The following ZNF547 variants were observed in gnomAD, a reference collection of about 807,000 sequenced individuals.
ZNF547 encodes the protein zinc finger protein 547.
In ZNF547, 4 loss-of-function variants were observed where a neutral mutation model predicts 7.7. That is an observed-to-expected ratio of 0.52 (90% CI 0.26 to 1.20). The LOEUF (loss-of-function observed/expected upper bound fraction) is 1.20, where lower values mean the gene tolerates loss of function less well. Ranked by LOEUF, ZNF547 falls within the 50% of genes most tolerant of loss-of-function variation. ZNF547 has a pLI of 0.14. For missense variants in ZNF547, 449 were observed against 485.8 expected (o/e 0.92, Z 0.71); for synonymous variants, 166 against 166.2 (o/e 1.00, Z 0.01).
intron 1 of ZNF547, among the ~76,000 whole-genome samples, chr19:57,365,831 G>T (rs1390889746): frequency 6.7e-6 from 1 of 149,958 alleles, no homozygotes; most frequent in African/African-American, 2.5e-5. Context: ...CTTAAAAATT[G>T]GGAATAAGCT....
At chr19:57,365,447 G>C in intron 1 of ZNF547, 1 of 533,904 alleles carries the variant, frequency 1.9e-6, no homozygotes, top group African/African-American at 1.9e-5. Flanking sequence ...AGATCAATTA[G>C]TATTTCCTTG....
chr19:57,364,750 T>C (rs938494398), intron 1 of ZNF547: 1 of 1,156,022 alleles, frequency 8.7e-7, no homozygotes, highest in Non-Finnish European at 1.2e-6. Flanking sequence ...CAAAAAAAGG[T>C]GCGGAGCGCG....
chr19:57,378,169 A>G lies in ZNF547; in HGVS notation c.1193A>G (p.Lys398Arg), dbSNP rs2088551464. 2 of 1,608,204 alleles carry G rather than the reference A, an allele frequency of 1.2e-6. No individual in the cohort carries two copies. Among genetic ancestry groups the G allele is most frequent in the African/African-American group, 1.3e-5 (1 of 74,938 alleles). ...RYNSTLLRHQ[K>R]VHTG ...AACTCTACACTTCTCAGACATCAGA[A>G]AGTCCACACTGGATAAGGCCCTTAT... Residue 398 changes from lysine (K) to arginine (R), a missense_variant, in exon 4 of 4, where the codon AAA (lysine) becomes AGA (arginine). Coordinates refer to ENST00000282282, the MANE Select transcript of ZNF547 (RefSeq NM_173631.4).
Position 57,377,222 on chromosome 19 carries a change from TAC to T in ZNF547, c.247_248del (p.Thr83ProfsTer7), listed in dbSNP as rs1298579687. On this transcript the variant is annotated frameshift_variant, in exon 4 of 4. Coordinates refer to ENST00000282282, the MANE Select transcript of ZNF547 (RefSeq NM_173631.4). LOFTEE classifies it low-confidence loss of function (END_TRUNC). ...TCATGGCTCCAAAGCCCTGTCTATC[TAC>T]CCAGAATACCCAGCCCTGTGAGACA... Reference protein sequence around the residue: ...QVMAPKPCLSTQNTQPCETCS... With the variant: ...QVMAPKPCLSXQNTQPCETCS... The T allele has an allele frequency of 6.2e-7, 1 of 1,614,094 alleles. No homozygotes were observed. Among genetic ancestry groups the T allele is most frequent in the Non-Finnish European group, 8.5e-7 (1 of 1,180,042 alleles).
At position 57,378,058 on chromosome 19, in the gene ZNF547, T is replaced by G; in HGVS notation, c.1082T>G (p.Phe361Cys). 2 of 1,614,040 alleles carry G rather than the reference T, an allele frequency of 1.2e-6. No individual in the cohort carries two copies. Among genetic ancestry groups the G allele is most frequent in the Non-Finnish European group, 1.7e-6 (2 of 1,179,998 alleles). ...GAATGCAGTGAGTGTGGGAAGGCCT[T>G]CCTTACAAAGTCCCACCTCATTTGT... Reference protein sequence around the residue: ...PYECSECGKAFLTKSHLICHQ... With the variant: ...PYECSECGKACLTKSHLICHQ... Residue 361 changes from phenylalanine to cysteine, a missense_variant, in exon 4 of 4, where the codon TTC becomes TGC. Phe to Cys is a radical substitution (Grantham distance 205). Transcript: ENST00000282282.
At position 57,364,788 on chromosome 19, in the gene ZNF547, G is replaced by A. The variant is rs751825179; in HGVS notation, c.-13+1085G>A. The A allele has an allele frequency of 6.7e-6, 10 of 1,494,208 alleles. No individual in the cohort carries two copies. In the East Asian group the frequency reaches 1.2e-4, roughly 18 times the overall value. The allele number at this position is 1,494,208 out of a possible 1,614,324, so 92.6% of individuals were successfully genotyped here. On this transcript the variant is annotated intron_variant, in intron 1 of 3. Transcript: ENST00000282282. The stretch of plus-strand genomic sequence containing the variant: ...TCTCTTCCGCGGAAACTGACATTGC[G>A]TTTCCGTTGTCGGCCTCCCGCTGCA...
intron 1 of ZNF547, chr19:57,364,606 T>C: frequency 1.7e-6 from 1 of 583,690 alleles, no homozygotes; most frequent in Middle Eastern, 4.5e-4. Flanking sequence ...CCGGGGGTGG[T>C]GACGCGCGCC....
Position 57,369,284 on chromosome 19 carries a change from T to TG in ZNF547, c.24+712dup, listed in dbSNP as rs1052143600. 1.2e-4 allele frequency among the ~76,000 whole-genome samples: 19 copies of TG among 152,056 alleles called. No homozygotes were observed. The East Asian group carries it at 1.4e-3, about 11-fold the overall frequency. On this transcript the variant is annotated intron_variant, in intron 2 of 3. Coordinates refer to ENST00000282282, the MANE Select transcript of ZNF547 (RefSeq NM_173631.4). ...TTTATGATGTAGAGAGTGAGGCAGCTGGGGGGGTGGGATAGAAGGGGAATC... is the reference window on the plus strand; with the variant it reads ...TTTATGATGTAGAGAGTGAGGCAGCTGGGGGGGGTGGGATAGAAGGGGAATC...
chr19:57,364,773 G>A, intron 1 of ZNF547: 9 of 1,413,774 alleles, frequency 6.4e-6, no homozygotes, highest in East Asian at 4.9e-5. Flanking sequence ...TCTCTTCCGC[G>A]GAAACTGACA....
Position 57,371,925 on chromosome 19 carries a change from T to C in ZNF547, c.151+17T>C, listed in dbSNP as rs1157094584. The C allele has an allele frequency of 6.3e-6, 10 of 1,585,290 alleles. No individual in the cohort carries two copies. On this transcript the variant is annotated intron_variant, in intron 3 of 3. Coordinates refer to ENST00000282282, the MANE Select transcript of ZNF547 (RefSeq NM_173631.4). ...CCTCACTAGGTAAGGCCCTCACACT[T>C]GCCCAGTGTCCTGGGTTGGGCTGTG...
chr19:57,365,150 A>C, intron 1 of ZNF547: 1 of 1,598,430 alleles, frequency 6.3e-7, no homozygotes, highest in Non-Finnish European at 8.5e-7. Context: ...TATGATTTAT[A>C]TATAAAATTT....
Position 57,378,302 on chromosome 19 carries a change from A to G in ZNF547, c.*117A>G. 1.1e-6 allele frequency: 1 copy of G among 912,596 alleles called. No homozygotes were observed. The highest frequency in any genetic ancestry group is 1.7e-6 in the Non-Finnish European group (1 of 587,546). The allele number at this position is 912,596 out of a possible 1,614,324, so 56.5% of individuals were successfully genotyped here. A position where few individuals can be genotyped will look rare whatever the true frequency, so the allele number is the denominator to read the frequency against. Reference sequence around the variant, plus strand: ...ATGCCGTGAACGTGGGTAATTATGTAGGTACAGCTCTCCAGTCGCTATGTA... The same window carrying G: ...ATGCCGTGAACGTGGGTAATTATGTGGGTACAGCTCTCCAGTCGCTATGTA... On this transcript the variant is annotated 3_prime_UTR_variant, in exon 4 of 4. Coordinates refer to ENST00000282282, the MANE Select transcript of ZNF547 (RefSeq NM_173631.4).
chr19:57,372,611 C>T (rs2088513412), intron 3 of ZNF547, among the ~76,000 whole-genome samples: 1 of 152,230 alleles, frequency 6.6e-6, no homozygotes, highest in African/African-American at 2.4e-5. Context: ...CTGGTGACCC[C>T]TGTTGTTTAG....
At chr19:57,364,484 G>C in intron 1 of ZNF547, 1 of 340,620 alleles carries the variant, frequency 2.9e-6, no homozygotes, top group East Asian at 6.9e-5. Flanking sequence ...GGCTCACGCC[G>C]GTAATCCCAG....
At chr19:57,375,020 C>T (rs1198979976) in intron 3 of ZNF547, among the ~76,000 whole-genome samples, 1 of 152,142 alleles carries the variant, frequency 6.6e-6, no homozygotes, top group Non-Finnish European at 1.5e-5. Flanking sequence ...TACCTCAGTA[C>T]CAGTTTACTA....
chr19:57,367,095 TG>T (rs2088475634), intron 1 of ZNF547, among the ~76,000 whole-genome samples: 1 of 152,234 alleles, frequency 6.6e-6, no homozygotes, highest in South Asian at 2.1e-4. Flanking sequence ...TGTTGATGCC[TG>T]TACTTGTGAA....
chr19:57,371,837 A>G lies in ZNF547; in HGVS notation c.80A>G (p.His27Arg). Residue 27 changes from histidine (H) to arginine (R), a missense_variant, in exon 3 of 4, where the codon CAT becomes CGT. Physicochemically the swap from His to Arg is conservative, Grantham distance 29 (BLOSUM62 0). Coordinates refer to ENST00000282282, the MANE Select transcript of ZNF547 (RefSeq NM_173631.4). ...TATTTCTCCCAGGAGGAGTGGGGGCATCTCGATGAGGCTCAGAGATTGCTG... is the reference window on the plus strand; with the variant it reads ...TATTTCTCCCAGGAGGAGTGGGGGCGTCTCGATGAGGCTCAGAGATTGCTG... ...AIYFSQEEWG[H>R]LDEAQRLLYR... 6.2e-7 allele frequency: 1 copy of G among 1,613,676 alleles called. No individual in the cohort carries two copies. Among genetic ancestry groups the G allele is most frequent in the Non-Finnish European group, 8.5e-7 (1 of 1,179,836 alleles).
Position 57,368,952 on chromosome 19 carries a change from A to G in ZNF547, c.24+373A>G, listed in dbSNP as rs140417190. ...CAAGTGTCTGTTATATCGGATAGGA[A>G]TAGGGAGCAGAGTGGGAGGTGGCTA... is the stretch of plus-strand genomic sequence containing the variant. On this transcript the variant is annotated intron_variant, in intron 2 of 3. Coordinates refer to ENST00000282282, the MANE Select transcript of ZNF547 (RefSeq NM_173631.4). 5.5e-3 allele frequency among the ~76,000 whole-genome samples: 835 copies of G among 152,270 alleles called. 2 individuals carry two copies. Among genetic ancestry groups the G allele is most frequent in the Middle Eastern group, 0.014 (4 of 294 alleles).
intron 3 of ZNF547, among the ~76,000 whole-genome samples, chr19:57,374,570 G>A (rs1279076953): frequency 1.3e-5 from 2 of 152,244 alleles, no homozygotes; most frequent in African/African-American, 2.4e-5. Flanking sequence ...CCCAGAAAAC[G>A]GGTTTTTCTT....
Sources: allele counts gnomAD v4.1 joint callset (sites outside exome capture counted in the v4.1 genomes callset), GRCh38; gene constraint gnomAD v4.1.1; transcripts MANE v1.5; gene names NCBI Gene and HGNC (gene_info 2026-07-23, HGNC 2026-07-21).